FAT2: variants seen among roughly 807,000 people sequenced by gnomAD.
FAT2 encodes protocadherin Fat 2.
FAT2 carries 150 observed loss-of-function variants against 295.3 expected under a neutral mutation model. The ratio of observed to expected loss-of-function variants is 0.51; its 90% CI spans 0.44 to 0.58. FAT2 has a LOEUF of 0.58. Ranked by LOEUF, FAT2 falls within the 20% of genes least tolerant of loss-of-function variation. The pLI, the probability that FAT2 is intolerant of heterozygous loss-of-function variation, is 0.00. For missense variants in FAT2, 4,868 were observed against 5,442.7 expected, an observed-to-expected ratio of 0.89 and a Z score of 3.32; for synonymous variants, 2,026 against 2,150.3, an observed-to-expected ratio of 0.94 and a Z score of 1.60.
intron 13 of FAT2, among the ~76,000 whole-genome samples, chr5:151,533,590 A>G (rs910565713): frequency 1.3e-5 from 2 of 152,148 alleles, no homozygotes; most frequent in African/African-American, 4.8e-5. Flanking sequence ...CAAACAGAGC[A>G]GGGTGTTTTG....
intron 16 of FAT2, among the ~76,000 whole-genome samples, chr5:151,527,657 T>C (rs1042322457): frequency 3.9e-5 from 6 of 152,088 alleles, no homozygotes; most frequent in Non-Finnish European, 5.9e-5. Flanking sequence ...ATTTTGAGGA[T>C]CAAATGGCAT....
intron 11 of FAT2, among the ~76,000 whole-genome samples, chr5:151,538,234 G>A (rs1206720028): frequency 6.6e-5 from 10 of 152,170 alleles, no homozygotes; most frequent in Admixed American, 5.2e-4. Flanking sequence ...GAATGGAGAA[G>A]TTCTGTCATC....
chr5:151,534,310 C>T (rs1053968436), intron 13 of FAT2, 99 bp downstream of exon 13: 24 of 879,868 alleles, frequency 2.7e-5, no homozygotes, highest in East Asian at 5.4e-5. Context: ...AAGGAGGCAC[C>T]GCCCTTACCA....
At chr5:151,587,077 G>A (rs1422351543) in intron 1 of FAT2, among the ~76,000 whole-genome samples, 3 of 152,036 alleles carry the variant, frequency 2.0e-5, no homozygotes, top group Non-Finnish European at 4.4e-5. Context: ...AGGAGGTGGA[G>A]GTTGCAGTAA....
chr5:151,521,134 G>A lies in FAT2; in HGVS notation c.11317+142C>T, dbSNP rs114596486. On this transcript the variant is annotated intron_variant, in intron 19 of 23. Transcript: ENST00000261800. ...ACTAGATTTTGTGAGGCCACTAGCCGTCTTATGGTGATTGGTGGCCTTTGG... is the reference window on the plus strand; with the variant it reads ...ACTAGATTTTGTGAGGCCACTAGCCATCTTATGGTGATTGGTGGCCTTTGG... 2.3e-3 allele frequency: 1,792 copies of A among 779,620 alleles called. 30 individuals carry two copies. The African/African-American group carries it at 0.028, about 12-fold the overall frequency. 48.3% of individuals were successfully genotyped at this position (779,620 alleles called of 1,614,324 possible). A position where few individuals can be genotyped will look rare whatever the true frequency, so the allele number is the denominator to read the frequency against.
rs767331376 is a variant in FAT2, at chr5:151,529,399, A to T, written c.9812-7T>A. On this transcript the variant is annotated splice_region_variant and splice_polypyrimidine_tract_variant and intron_variant, in intron 14 of 23. Transcript: ENST00000261800. ...GCGTTGACATACAGGATCCCTGAAG[A>T]AGCAAGAGGTGACAGCAGCAATGAG... 2 of 1,613,016 alleles carry T rather than the reference A, an allele frequency of 1.2e-6. No individual in the cohort carries two copies.
intron 20 of FAT2, 98 bp downstream of exon 20, chr5:151,517,522 T>G: frequency 6.9e-7 from 1 of 1,439,418 alleles, no homozygotes; most frequent in East Asian, 2.3e-5. Flanking sequence ...AGGGATTTCT[T>G]TGGCAGAAAT....
intron 3 of FAT2, among the ~76,000 whole-genome samples, chr5:151,559,331 AAAG>A (rs1388497294): frequency 2.6e-5 from 4 of 152,176 alleles, no homozygotes; most frequent in Non-Finnish European, 1.5e-5. Context: ...CCTTCCAGTC[AAAG>A]AAGGAGGACA....
Position 151,521,474 on chromosome 5 carries a change from CTGAG to C in FAT2, c.11115_11118del (p.His3705GlnfsTer54), listed in dbSNP as rs1405885269. On this transcript the variant is annotated frameshift_variant, in exon 19 of 24. Coordinates refer to ENST00000261800, the MANE Select transcript of FAT2 (RefSeq NM_001447.3). LOFTEE classifies it high-confidence loss of function. ...CCCACTGAATGCTCCATCTCCTTGG[CTGAG>C]TGAGTGATGATGGATGCTAGCTCCT... 2 of 1,614,234 alleles carry C rather than the reference CTGAG, an allele frequency of 1.2e-6. No individual in the cohort carries two copies. Among genetic ancestry groups the C allele is most frequent in the Non-Finnish European group, 8.5e-7 (1 of 1,180,034 alleles).
rs184424992 is a variant in FAT2 at position 151,583,666 on chromosome 5, G to A, written c.-21+7499C>T. ...ATTGAGCTGTACACTTATGATTTGT[G>A]CACTTTTCTGTATGCATATTATACT... On this transcript the variant is annotated intron_variant, in intron 1 of 23. Coordinates refer to ENST00000261800, the MANE Select transcript of FAT2 (RefSeq NM_001447.3). Among the ~76,000 whole-genome samples the A allele has an allele frequency of 5.3e-5, 8 of 152,164 alleles. No homozygotes were observed. In the East Asian group the frequency reaches 1.5e-3, roughly 29 times the overall value.
rs531579217 is a variant in FAT2, at chr5:151,545,133, A to G, written c.5994T>C (p.Asn1998=). ...VILGAQGNHL[N]DTLSYFLLNG... is the part of the protein sequence containing the mutation. ...TCAAGAGAAAGTAGGAAAGGGTGTCATTCAAATGATTGCCCTGGGCACCAA... is the reference window on the plus strand; with the variant it reads ...TCAAGAGAAAGTAGGAAAGGGTGTCGTTCAAATGATTGCCCTGGGCACCAA... Residue 1998 remains asparagine (N), a synonymous_variant, in exon 10 of 24, where the codon AAT becomes AAC. Transcript: ENST00000261800. The G allele has an allele frequency of 6.2e-7, 1 of 1,614,222 alleles. No homozygotes were observed. The highest frequency in any genetic ancestry group is 1.1e-5 in the South Asian group (1 of 91,080).
At chr5:151,535,244 T>C (rs1305807044) in intron 12 of FAT2, among the ~76,000 whole-genome samples, 1 of 152,020 alleles carries the variant, frequency 6.6e-6, no homozygotes, top group African/African-American at 2.4e-5. Context: ...TCTTTTGTTA[T>C]AATGTTGGGT....
At chr5:151,570,439 C>G (rs975067189) in intron 1 of FAT2, among the ~76,000 whole-genome samples, 1 of 152,214 alleles carries the variant, frequency 6.6e-6, no homozygotes, top group Non-Finnish European at 1.5e-5. Flanking sequence ...AGTGTGTGGC[C>G]GGGTAAGAAC....
chr5:151,567,820 A>T lies in FAT2; in HGVS notation c.1112T>A (p.Leu371His). 6.2e-7 allele frequency: 1 copy of T among 1,614,174 alleles called. No individual in the cohort carries two copies. Among genetic ancestry groups the T allele is most frequent in the Non-Finnish European group, 8.5e-7 (1 of 1,180,034 alleles). ...KFEKAVYRVQLSEFSPPGSRV... is the reference protein window; with the variant it reads ...KFEKAVYRVQHSEFSPPGSRV... ...GCTGCCAGGAGGGGAAAACTCACTA[A>T]GCTGCACTCTGTAAACAGCCTTCTC... The change falls in exon 2 of 24, where the codon CTT becomes CAT. Residue 371 changes from leucine to histidine, a missense_variant. Leu to His is a moderately conservative substitution (Grantham distance 99). Transcript: ENST00000261800.
At position 151,566,318 on chromosome 5, in the gene FAT2, T is replaced by C. The variant is rs1581449702; in HGVS notation, c.2614A>G (p.Thr872Ala). The C allele has an allele frequency of 6.2e-7, 1 of 1,613,920 alleles. No homozygotes were observed. Among genetic ancestry groups the C allele is most frequent in the Middle Eastern group, 1.6e-4 (1 of 6,062 alleles). ...PTEKFSLHPL[T>A]GELVVTGHLD... ...TGTCCTGTAACAACCAGTTCCCCAG[T>C]GAGAGGGTGGAGGGAGAACTTCTCT... The change falls in exon 2 of 24, where the codon ACT (threonine) becomes GCT (alanine). Residue 872 changes from threonine (T) to alanine (A), a missense_variant. Transcript: ENST00000261800.
chr5:151,552,600 A>T (rs28612803), intron 6 of FAT2, among the ~76,000 whole-genome samples: 5,600 of 152,296 alleles, frequency 0.037, 242 homozygotes, highest in African/African-American at 0.1. Flanking sequence ...ACTTTCTGGG[A>T]AGAGGACCTA....
rs1756625400 is a variant in FAT2 at position 151,546,310 on chromosome 5, T to C, written c.4817A>G (p.Asn1606Ser). 2 of 1,613,458 alleles carry C rather than the reference T, an allele frequency of 1.2e-6. No homozygotes were observed. The part of the protein sequence containing the change: ...KGNSEGFFNI[N>S]ALLGIITLAQ... ...TAGAGTAATGATGCCTAGCAGGGCA[T>C]TGATGTTGAAGAAACCTTCGCTGTT... Residue 1606 changes from asparagine (N) to serine (S), a missense_variant, in exon 10 of 24, where the codon AAT becomes AGT. By Grantham distance (46) the Asn-to-Ser change is conservative. This residue lies in a region of FAT2 where 3,297 missense variants were observed against 3,669.4 expected (regional missense o/e 0.90). Coordinates refer to ENST00000261800, the MANE Select transcript of FAT2 (RefSeq NM_001447.3).
rs779177175 is a variant in FAT2, at chr5:151,512,353, G to C, written c.11717C>G (p.Ser3906Cys). The change falls in exon 21 of 24, where the codon TCC (serine) becomes TGC (cysteine). Residue 3906 changes from serine (S) to cysteine (C), a missense_variant. Coordinates refer to ENST00000261800, the MANE Select transcript of FAT2 (RefSeq NM_001447.3). The surrounding 1 kb of genome is among the most constrained non-coding windows in gnomAD (Gnocchi z 4.1). The part of the protein sequence containing the change: ...LILLHSSSNV[S>C]QGFEGCLDAV... ...ATCCAGGCAGCCTTCAAAGCCCTGGGAGACATTCGAGGAAGAATGCAACAG... is the reference window on the plus strand; with the variant it reads ...ATCCAGGCAGCCTTCAAAGCCCTGGCAGACATTCGAGGAAGAATGCAACAG... 4.3e-6 allele frequency: 7 copies of C among 1,614,224 alleles called. No individual in the cohort carries two copies. The Admixed American group carries it at 1.0e-4, about 23-fold the overall frequency.
intron 1 of FAT2, among the ~76,000 whole-genome samples, chr5:151,577,437 C>A (rs557001664): frequency 6.6e-6 from 1 of 152,330 alleles, no homozygotes; most frequent in South Asian, 2.1e-4. Flanking sequence ...GAGGTTTCTG[C>A]TCTTGTGGGT....
Sources: gnomAD v4.1 joint callset for allele counts (sites outside exome capture counted in the v4.1 genomes callset) on GRCh38, gnomAD v4.1.1 for gene constraint, gnomAD v4.1.1 regional missense constraint, Gnocchi (gnomAD v3.1) non-coding constraint, MANE v1.5 for transcripts, NCBI Gene and HGNC (gene_info 2026-07-23, HGNC 2026-07-21) for gene names.